The following CDH9 variants were observed in gnomAD, a reference collection of about 807,000 sequenced individuals.
CDH9 encodes the protein cadherin 9, also known as cadherin-9.
CDH9 carries 28 observed loss-of-function variants against 70.9 expected under a neutral mutation model. The observed-to-expected ratio is 0.40, with a 90% CI of 0.29 to 0.54. CDH9 has a LOEUF of 0.54. Ranked by LOEUF, CDH9 falls within the 20% of genes least tolerant of loss-of-function variation. CDH9 has a pLI of 0.59. For synonymous variants in CDH9, 409 were observed against 343.1 expected (o/e 1.19, Z -2.12); for missense variants, 874 against 984.4 (o/e 0.89, Z 1.50).
rs79780938 is a variant in CDH9 at position 27,011,737 on chromosome 5, T to C, written c.-49-23355A>G. Among the ~76,000 whole-genome samples, 612 of 152,186 alleles carry C rather than the reference T, an allele frequency of 4.0e-3. 2 individuals are homozygous for C. Among genetic ancestry groups the C allele is most frequent in the South Asian group, 7.0e-3 (34 of 4,830 alleles). On this transcript the variant is annotated intron_variant, in intron 1 of 11. Coordinates refer to ENST00000231021, the MANE Select transcript of CDH9 (RefSeq NM_016279.4). ...TGCTTTAGCAGCATTGAGTCCATAT[T>C]ACAAAGAACAGAGAGTTAATATGAA...
intron 1 of CDH9, among the ~76,000 whole-genome samples, chr5:26,990,929 A>C: frequency 6.6e-6 from 1 of 152,208 alleles, no homozygotes; most frequent in East Asian, 1.9e-4. Flanking sequence ...TGAGCGGAAT[A>C]ATCTAGTTTT....
At chr5:26,927,381 T>C (rs578068141) in intron 2 of CDH9, among the ~76,000 whole-genome samples, 288 of 152,110 alleles carry the variant, frequency 1.9e-3, no homozygotes, top group Non-Finnish European at 3.3e-3. Flanking sequence ...CATAGCAGTG[T>C]AAGTCACAGA....
rs376594513 is a variant in CDH9, at chr5:27,000,146, T to A, written c.-49-11764A>T. ...TGTAACACATATCTGATAAGGACTT[T>A]TATCTAAAATATAAAAAGAACATTG... On this transcript the variant is annotated intron_variant, in intron 1 of 11. Coordinates refer to ENST00000231021, the MANE Select transcript of CDH9 (RefSeq NM_016279.4). Among the ~76,000 whole-genome samples, 13 of 152,194 alleles carry A rather than the reference T, an allele frequency of 8.5e-5. No homozygotes were observed. In the East Asian group the frequency reaches 1.5e-3, roughly 18 times the overall value.
chr5:27,019,929 A>T (rs1004701949), intron 1 of CDH9, among the ~76,000 whole-genome samples: 1 of 151,898 alleles, frequency 6.6e-6, no homozygotes, highest in Admixed American at 6.6e-5. Flanking sequence ...CAATGATTGC[A>T]ATTTGAAGTA....
intron 1 of CDH9, among the ~76,000 whole-genome samples, chr5:27,003,754 A>G (rs1742810544): frequency 6.6e-6 from 1 of 152,074 alleles, no homozygotes; most frequent in Non-Finnish European, 1.5e-5. Context: ...CAACAGAAGC[A>G]TAAGAAGACA....
At chr5:26,929,901 T>G (rs377343733) in intron 2 of CDH9, among the ~76,000 whole-genome samples, 1 of 151,766 alleles carries the variant, frequency 6.6e-6, no homozygotes, top group South Asian at 2.1e-4. Context: ...AAAATATAGT[T>G]AGGGGGAATG....
At chr5:26,917,040 A>G (rs1332769255) in intron 2 of CDH9, among the ~76,000 whole-genome samples, 1 of 151,962 alleles carries the variant, frequency 6.6e-6, no homozygotes, top group Non-Finnish European at 1.5e-5. Flanking sequence ...CAACAAACAG[A>G]CCATGTAATC....
intron 2 of CDH9, among the ~76,000 whole-genome samples, chr5:26,921,801 C>T (rs879290824): frequency 7.9e-5 from 12 of 151,910 alleles, no homozygotes; most frequent in Non-Finnish European, 1.3e-4. Context: ...CCACACTTCC[C>T]GGTAACATAT....
intron 1 of CDH9, among the ~76,000 whole-genome samples, chr5:27,000,762 T>C (rs1034511044): frequency 2.6e-5 from 4 of 152,154 alleles, no homozygotes; most frequent in Non-Finnish European, 4.4e-5. Context: ...ATTCCTATAA[T>C]TGAACATTAC....
intron 1 of CDH9, among the ~76,000 whole-genome samples, chr5:27,029,847 C>G (rs978565031): frequency 3.3e-5 from 5 of 151,914 alleles, no homozygotes; most frequent in Non-Finnish European, 5.9e-5. Context: ...GCTTCCTACA[C>G]CTACAAATTA....
intron 2 of CDH9, among the ~76,000 whole-genome samples, chr5:26,978,647 C>T (rs1742344486): frequency 7.0e-6 from 1 of 142,624 alleles, no homozygotes; most frequent in Non-Finnish European, 1.5e-5. Flanking sequence ...CTAAGGAGGC[C>T]AGTGAATTTC....
intron 7 of CDH9, among the ~76,000 whole-genome samples, chr5:26,894,064 G>A (rs368557706): frequency 6.6e-6 from 1 of 152,000 alleles, no homozygotes; most frequent in African/African-American, 2.4e-5. Context: ...AACCTAAAAC[G>A]TACACAAAGA....
chr5:27,023,505 T>C (rs1367340051), intron 1 of CDH9, among the ~76,000 whole-genome samples: 1 of 152,078 alleles, frequency 6.6e-6, no homozygotes, highest in African/African-American at 2.4e-5. Context: ...TAATGAATTC[T>C]TATTTATATA....
intron 1 of CDH9, among the ~76,000 whole-genome samples, chr5:27,019,005 T>C (rs1008729151): frequency 6.6e-5 from 10 of 152,066 alleles, no homozygotes; most frequent in African/African-American, 2.2e-4. Context: ...TATTATTATG[T>C]CCTATTATTA....
chr5:26,911,465 C>T (rs1741052876), intron 3 of CDH9, among the ~76,000 whole-genome samples: 2 of 151,956 alleles, frequency 1.3e-5, no homozygotes, highest in African/African-American at 2.4e-5. Flanking sequence ...TAAAAAATTA[C>T]AAAGGGATTC....
intron 4 of CDH9, 45 bp from the exon 5 acceptor site, chr5:26,906,171 T>C: frequency 6.5e-7 from 1 of 1,538,854 alleles, no homozygotes; most frequent in Non-Finnish European, 8.9e-7. Flanking sequence ...AATCGCTGAG[T>C]TTTAAAATTA....
intron 1 of CDH9, among the ~76,000 whole-genome samples, chr5:27,014,644 G>C (rs988298485): frequency 6.6e-6 from 1 of 151,594 alleles, no homozygotes; most frequent in Non-Finnish European, 1.5e-5. Context: ...TTATATACCA[G>C]ATAAACATAT....
intron 1 of CDH9, among the ~76,000 whole-genome samples, chr5:26,990,866 T>A (rs577304999): frequency 3.3e-5 from 5 of 152,320 alleles, no homozygotes; most frequent in African/African-American, 1.2e-4. Flanking sequence ...TATTCTCCAT[T>A]TCCTGGGGTC....
intron 2 of CDH9, among the ~76,000 whole-genome samples, chr5:26,922,275 A>T (rs1306251158): frequency 6.6e-6 from 1 of 152,030 alleles, no homozygotes; most frequent in African/African-American, 2.4e-5. Context: ...AAGAACAACA[A>T]GACATTTACT....
Sources: gnomAD v4.1 joint callset for allele counts (sites outside exome capture counted in the v4.1 genomes callset) on GRCh38, gnomAD v4.1.1 for gene constraint, MANE v1.5 for transcripts, NCBI Gene and HGNC (gene_info 2026-07-23, HGNC 2026-07-21) for gene names.